The following LAMP1 variants were observed in gnomAD, a reference collection of about 807,000 sequenced individuals.
LAMP1 encodes lysosome associated membrane protein 1.
In LAMP1, 7 loss-of-function variants were observed where a neutral mutation model predicts 37.5. The ratio of observed to expected loss-of-function variants is 0.19; its 90% CI spans 0.11 to 0.35. The LOEUF (loss-of-function observed/expected upper bound fraction) is 0.35, where lower values mean the gene tolerates loss of function less well. Ranked by LOEUF, LAMP1 falls within the 10% of genes least tolerant of loss-of-function variation. The pLI is 1.00. For synonymous variants in LAMP1, 236 were observed against 229.1 expected (o/e 1.03, Z -0.27); for missense variants, 537 against 552.8 (o/e 0.97, Z 0.29).
At position 113,323,315 on chromosome 13, in the gene LAMP1, A is replaced by G. The variant is rs997265578; in HGVS notation, c.*894A>G. ...GTGATCCTGTTCTGCGCTGTGTACA[A>G]TGTGAGATCGGTGCGTTCTCCTGAT... On this transcript the variant is annotated 3_prime_UTR_variant, in exon 9 of 9. Transcript: ENST00000332556. 1 of 152,102 alleles carries G rather than the reference A, an allele frequency of 6.6e-6. No individual in the cohort carries two copies. Among genetic ancestry groups the G allele is most frequent in the Non-Finnish European group, 1.5e-5 (1 of 68,036 alleles). The allele number at this position is 152,102 out of a possible 1,614,324, so 9.4% of individuals were successfully genotyped here.
At position 113,322,577 on chromosome 13, in the gene LAMP1, A is replaced by G; in HGVS notation, c.*156A>G. The G allele has an allele frequency of 1.7e-6, 1 of 585,790 alleles. No homozygotes were observed. The highest frequency in any genetic ancestry group is 2.8e-6 in the Non-Finnish European group (1 of 360,874). 36.3% of individuals were successfully genotyped at this position (585,790 alleles called of 1,614,324 possible). A position where few individuals can be genotyped will look rare whatever the true frequency, so the allele number is the denominator to read the frequency against. ...TTGCAGCATTTACTATGCACAACAGAGTAACTATCGAAATGACGGTGTTAA... is the reference window on the plus strand; with the variant it reads ...TTGCAGCATTTACTATGCACAACAGGGTAACTATCGAAATGACGGTGTTAA... On this transcript the variant is annotated 3_prime_UTR_variant, in exon 9 of 9. Transcript: ENST00000332556.
At position 113,321,364 on chromosome 13, in the gene LAMP1, T is replaced by C; in HGVS notation, c.877-40T>C. On this transcript the variant is annotated intron_variant, in intron 6 of 8. Coordinates refer to ENST00000332556, the MANE Select transcript of LAMP1 (RefSeq NM_005561.4). This position sits in a 1 kb window ranked among gnomAD's most constrained non-coding sequence, Gnocchi z 5.6. ...ACTGGGGTTAAAGATCATCTTTCTA[T>C]GAATCTGCTCCGTGATTAAAGATCA... The C allele has an allele frequency of 6.6e-7, 1 of 1,506,634 alleles. No homozygotes were observed. The highest frequency in any genetic ancestry group is 9.2e-7 in the Non-Finnish European group (1 of 1,082,196). The allele number at this position is 1,506,634 out of a possible 1,614,324, so 93.3% of individuals were successfully genotyped here. A position where few individuals can be genotyped will look rare whatever the true frequency, so the allele number is the denominator to read the frequency against.
intron 4 of LAMP1, among the ~76,000 whole-genome samples, chr13:113,313,779 G>A (rs1365640544): frequency 8.7e-6 from 1 of 115,184 alleles, no homozygotes; most frequent in East Asian, 2.8e-4. Flanking sequence ...TGTGCCTGGG[G>A]CATGGCCTCC....
chr13:113,308,019 T>C (rs917749716), intron 2 of LAMP1, among the ~76,000 whole-genome samples: 2 of 151,836 alleles, frequency 1.3e-5, no homozygotes, highest in African/African-American at 4.8e-5. Context: ...AAAGCCTTTT[T>C]TCTTTTTTCT....
chr13:113,307,797 A>T (rs933278358), intron 2 of LAMP1, among the ~76,000 whole-genome samples: 7 of 43,924 alleles, frequency 1.6e-4, no homozygotes, highest in Admixed American at 6.1e-4. Context: ...TCTCTTTTTT[A>T]AAAAAAAAAA....
At chr13:113,319,891 G>A (rs1363742226) in intron 5 of LAMP1, among the ~76,000 whole-genome samples, 1 of 152,238 alleles carries the variant, frequency 6.6e-6, no homozygotes, top group East Asian at 1.9e-4. Flanking sequence ...TCCCAGCATG[G>A]CCTATTGGGC....
rs2139376528 is a variant in LAMP1 at position 113,320,863 on chromosome 13, AAATGAATTAACAGTTCAGT to A, written c.876+394_876+412del. 4.3e-6 allele frequency: 1 copy of A among 231,132 alleles called. No individual in the cohort carries two copies. Among genetic ancestry groups the A allele is most frequent in the South Asian group, 7.5e-5 (1 of 13,262 alleles). The allele number at this position is 231,132 out of a possible 1,614,324, so 14.3% of individuals were successfully genotyped here. ...TGTCAGTCTTTTTAAATCGCTGTGC[AAATGAATTAACAGTTCAGT>A]TTCTTATAATTTTAGCTTTCCAAAT... On this transcript the variant is annotated intron_variant, in intron 6 of 8. Coordinates refer to ENST00000332556, the MANE Select transcript of LAMP1 (RefSeq NM_005561.4). This position sits in a 1 kb window ranked among gnomAD's most constrained non-coding sequence, Gnocchi z 4.4.
intron 2 of LAMP1, among the ~76,000 whole-genome samples, 185 bp from the exon 3 acceptor site, chr13:113,309,458 T>C (rs751843586): frequency 7.2e-5 from 11 of 152,242 alleles, no homozygotes; most frequent in African/African-American, 1.9e-4. Context: ...TGAAATACTT[T>C]TCAGTCTTTT....
At chr13:113,315,014 C>T (rs567507007) in intron 4 of LAMP1, among the ~76,000 whole-genome samples, 8 of 110,740 alleles carry the variant, frequency 7.2e-5, no homozygotes, top group African/African-American at 2.3e-4. Context: ...TGGAGATGCC[C>T]GTGTGCCTGG....
chr13:113,312,930 A>G (rs1873415175), intron 4 of LAMP1, among the ~76,000 whole-genome samples: 2 of 152,064 alleles, frequency 1.3e-5, no homozygotes, highest in South Asian at 4.1e-4. Context: ...TCGATTTCCA[A>G]ATTATCTGGG....
chr13:113,299,654 C>T (rs550903586), intron 1 of LAMP1, among the ~76,000 whole-genome samples: 17 of 151,352 alleles, frequency 1.1e-4, no homozygotes, highest in Admixed American at 2.6e-4. Flanking sequence ...CTGCAGCCTC[C>T]GCCTCTTGTG....
chr13:113,318,691 CA>C (rs1404357458), intron 4 of LAMP1, among the ~76,000 whole-genome samples: 4 of 152,108 alleles, frequency 2.6e-5, no homozygotes, highest in African/African-American at 9.7e-5. Context: ...TGTGCCCCCC[CA>C]CCCCCACGGA....
intron 1 of LAMP1, chr13:113,305,218 T>C (rs1354158108): frequency 1.3e-5 from 2 of 152,228 alleles, no homozygotes; most frequent in East Asian, 1.9e-4. Context: ...GCATTTACAC[T>C]TAGAGTGACA....
rs2042707069 is a variant in LAMP1 at position 113,322,387 on chromosome 13, G to A, written c.1220G>A (p.Arg407Lys). 1.2e-6 allele frequency: 2 copies of A among 1,613,788 alleles called. No homozygotes were observed. The highest frequency in any genetic ancestry group is 1.1e-5 in the South Asian group (1 of 91,074). ...GTCCTCATCGCCTACCTCGTCGGCA[G>A]GAAGAGGAGTCACGCAGGCTACCAG... ...LIVLIAYLVG[R>K]KRSHAGYQTI Residue 407 changes from arginine to lysine, a missense_variant, in exon 9 of 9, where the codon AGG becomes AAG. Coordinates refer to ENST00000332556, the MANE Select transcript of LAMP1 (RefSeq NM_005561.4).
chr13:113,316,664 G>A (rs572786223), intron 4 of LAMP1, among the ~76,000 whole-genome samples: 4 of 152,058 alleles, frequency 2.6e-5, no homozygotes, highest in East Asian at 3.9e-4. Flanking sequence ...CTCGTGATCC[G>A]CCCGCCTCGG....
intron 1 of LAMP1, among the ~76,000 whole-genome samples, chr13:113,300,204 G>C (rs1394592242): frequency 6.6e-6 from 1 of 152,136 alleles, no homozygotes; most frequent in East Asian, 1.9e-4. Context: ...TACTCGGCTG[G>C]GTGCAGTGGT....
chr13:113,297,923 A>T lies in LAMP1; in HGVS notation c.61+428A>T, dbSNP rs2042551464. On this transcript the variant is annotated intron_variant, in intron 1 of 8. Coordinates refer to ENST00000332556, the MANE Select transcript of LAMP1 (RefSeq NM_005561.4). The surrounding 1 kb of genome is among the most constrained non-coding windows in gnomAD (Gnocchi z 4.4). ...TGTGGTCTCAGCTCCCGGGTGGGTGACCTAGATCAAGCTCTTCCCAACATG... is the reference window on the plus strand; with the variant it reads ...TGTGGTCTCAGCTCCCGGGTGGGTGTCCTAGATCAAGCTCTTCCCAACATG... Among the ~76,000 whole-genome samples the T allele has an allele frequency of 1.3e-5, 2 of 152,136 alleles. No individual in the cohort carries two copies. Among genetic ancestry groups the T allele is most frequent in the East Asian group, 3.9e-4 (2 of 5,160 alleles).
rs767683537 is a variant in LAMP1, at chr13:113,321,646, C to T, written c.1033C>T (p.Arg345Cys). 2.7e-5 allele frequency: 43 copies of T among 1,614,098 alleles called. No individual in the cohort carries two copies. Among genetic ancestry groups the T allele is most frequent in the South Asian group, 2.6e-4 (24 of 91,090 alleles). ...SYKCNAEEHV[R>C]VTKAFSVNIF... ...CAAGTGCAACGCGGAGGAGCACGTC[C>T]GTGTCACGAAGGCGTTTTCAGTCAA... The change falls in exon 8 of 9, where the codon CGT becomes TGT. Residue 345 changes from arginine to cysteine, a missense_variant. Physicochemically the swap from Arg to Cys is radical, Grantham distance 180 (BLOSUM62 -3). Transcript: ENST00000332556. The surrounding 1 kb of genome is among the most constrained non-coding windows in gnomAD (Gnocchi z 5.6).
In LAMP1 at chr13:113,320,305, C is replaced by T. The variant is rs920639754; in HGVS notation, c.751-40C>T. 6.2e-7 allele frequency: 1 copy of T among 1,612,204 alleles called. No homozygotes were observed. Among genetic ancestry groups the T allele is most frequent in the African/African-American group, 1.3e-5 (1 of 74,996 alleles). On this transcript the variant is annotated intron_variant, in intron 5 of 8. Transcript: ENST00000332556. This position sits in a 1 kb window ranked among gnomAD's most constrained non-coding sequence, Gnocchi z 4.4. Reference sequence around the variant, plus strand: ...TTTGTCTTTTCGAGAGTGTGGAGGACCTGAGCTAGGGTGGTGACTTGCTTG... The same window carrying T: ...TTTGTCTTTTCGAGAGTGTGGAGGATCTGAGCTAGGGTGGTGACTTGCTTG...
Sources: gnomAD v4.1 joint callset for allele counts (sites outside exome capture counted in the v4.1 genomes callset) on GRCh38, gnomAD v4.1.1 for gene constraint, Gnocchi (gnomAD v3.1) non-coding constraint, MANE v1.5 for transcripts, NCBI Gene and HGNC (gene_info 2026-07-23, HGNC 2026-07-21) for gene names.